CBFA2T2: variants seen among roughly 807,000 people sequenced by gnomAD.
CBFA2T2 encodes protein CBFA2T2.
CBFA2T2 carries 11 observed loss-of-function variants against 62.2 expected under a neutral mutation model. That is an observed-to-expected ratio of 0.18 (90% CI 0.11 to 0.29). The LOEUF is 0.29. Among genes scored for constraint, CBFA2T2 ranks in the 10% least tolerant of loss-of-function variants. The probability of loss-of-function intolerance (pLI) is 1.00; values close to 1 mark genes in which losing one functional copy is unlikely to be tolerated. For missense variants in CBFA2T2, 592 were observed against 774.1 expected (o/e 0.76, Z 2.79); for synonymous variants, 295 against 287.5 (o/e 1.03, Z -0.27).
At chr20:33,548,393 A>G (rs1049483035) in intron 1 of CBFA2T2, among the ~76,000 whole-genome samples, 2 of 151,464 alleles carry the variant, frequency 1.3e-5, no homozygotes, top group African/African-American at 4.9e-5. Context: ...ACAGGTGCCC[A>G]CCACCGCACC....
At chr20:33,520,440 C>T (rs2011698233) in intron 1 of CBFA2T2, among the ~76,000 whole-genome samples, 1 of 152,128 alleles carries the variant, frequency 6.6e-6, no homozygotes, top group Admixed American at 6.6e-5. Context: ...GCATCTCTAA[C>T]TTCTAACATA....
intron 3 of CBFA2T2, among the ~76,000 whole-genome samples, chr20:33,612,975 T>C (rs1416721460): frequency 6.6e-6 from 1 of 152,176 alleles, no homozygotes; most frequent in East Asian, 1.9e-4. Context: ...TGGTCCTAGA[T>C]ACTCAGTAGG....
intron 10 of CBFA2T2, among the ~76,000 whole-genome samples, chr20:33,641,219 A>T (rs923073739): frequency 7.2e-5 from 11 of 152,028 alleles, no homozygotes; most frequent in African/African-American, 2.2e-4. Context: ...TTTTTAGTAG[A>T]GACGGGGTTT....
At chr20:33,535,550 G>A (rs1220924203) in intron 1 of CBFA2T2, among the ~76,000 whole-genome samples, 1 of 151,006 alleles carries the variant, frequency 6.6e-6, no homozygotes, top group Non-Finnish European at 1.5e-5. Context: ...GTCTGCAGGA[G>A]AAGGCTTCTT....
In CBFA2T2 at chr20:33,624,795, A is replaced by G. The variant is rs140571621; in HGVS notation, c.724A>G (p.Ile242Val). The G allele has an allele frequency of 1.5e-4, 244 of 1,614,102 alleles. No individual in the cohort carries two copies. The highest frequency in any genetic ancestry group is 3.3e-4 in the Middle Eastern group (2 of 6,062). Residue 242 changes from isoleucine (I) to valine (V), a missense_variant, in exon 6 of 11, where the codon ATT becomes GTT. By Grantham distance (29) the Ile-to-Val change is conservative. This residue lies in a region of CBFA2T2 where 449 missense variants were observed against 551.2 expected (regional missense o/e 0.81). Coordinates refer to ENST00000342704, the MANE Select transcript of CBFA2T2 (RefSeq NM_001032999.3). ...REENSFDRDT[I>V]APEPPAKRVC... ...AGAGAATAGTTTTGATAGAGACACAATTGCTCCTGAGCCTCCTGCCAAGAG... is the reference window on the plus strand; with the variant it reads ...AGAGAATAGTTTTGATAGAGACACAGTTGCTCCTGAGCCTCCTGCCAAGAG...
chr20:33,596,927 T>G (rs943591587), intron 1 of CBFA2T2, among the ~76,000 whole-genome samples: 4 of 151,462 alleles, frequency 2.6e-5, no homozygotes, highest in African/African-American at 9.7e-5. Flanking sequence ...CTGTTTTTTT[T>G]TTTTTTTTTT....
intron 3 of CBFA2T2, 79 bp from the exon 4 acceptor site, chr20:33,619,438 A>AG: frequency 1.4e-6 from 1 of 715,924 alleles, no homozygotes; most frequent in Non-Finnish European, 2.2e-6. Context: ...ACATTAAAAA[A>AG]AAAAAAAAAG....
At position 33,644,899 on chromosome 20, in the gene CBFA2T2, T is replaced by G. The variant is rs2016996428; in HGVS notation, c.*253T>G. 1 of 497,232 alleles carries G rather than the reference T, an allele frequency of 2.0e-6. No individual in the cohort carries two copies. The highest frequency in any genetic ancestry group is 2.0e-5 in the African/African-American group (1 of 51,230). 30.8% of individuals were successfully genotyped at this position (497,232 alleles called of 1,614,324 possible). A position where few individuals can be genotyped will look rare whatever the true frequency, so the allele number is the denominator to read the frequency against. ...CTCCTCCATGGCTTTCCTGGTTTGT[T>G]CCTCTCTCCACTGAAGCTGACTTAG... On this transcript the variant is annotated 3_prime_UTR_variant, in exon 11 of 11. Coordinates refer to ENST00000342704, the MANE Select transcript of CBFA2T2 (RefSeq NM_001032999.3).
chr20:33,580,537 C>A (rs1240892717), intron 1 of CBFA2T2, among the ~76,000 whole-genome samples: 2 of 152,184 alleles, frequency 1.3e-5, no homozygotes, highest in Non-Finnish European at 2.9e-5. Context: ...CTTCATTACG[C>A]AGCAGCTGAT....
At chr20:33,559,631 C>T (rs567159678) in intron 1 of CBFA2T2, among the ~76,000 whole-genome samples, 4 of 152,190 alleles carry the variant, frequency 2.6e-5, no homozygotes, top group South Asian at 4.2e-4. Context: ...GGATTACAGG[C>T]GCCCACCACC....
At chr20:33,517,363 T>G (rs1437576305) in intron 1 of CBFA2T2, among the ~76,000 whole-genome samples, 1 of 152,162 alleles carries the variant, frequency 6.6e-6, no homozygotes, top group African/African-American at 2.4e-5. Flanking sequence ...TTGCCAATTT[T>G]CAGCTCATTA....
intron 1 of CBFA2T2, among the ~76,000 whole-genome samples, chr20:33,522,066 A>G (rs907336339): frequency 1.3e-5 from 2 of 152,074 alleles, no homozygotes; most frequent in Non-Finnish European, 2.9e-5. Flanking sequence ...GCAACATAGA[A>G]CAAAATAGAG....
intron 1 of CBFA2T2, among the ~76,000 whole-genome samples, chr20:33,508,627 G>A (rs904518039): frequency 1.3e-5 from 2 of 151,994 alleles, no homozygotes; most frequent in African/African-American, 4.8e-5. Context: ...CCTCTTATAT[G>A]TCTATGTGTT....
At chr20:33,627,205 G>A (rs1451263885) in intron 6 of CBFA2T2, among the ~76,000 whole-genome samples, 1 of 152,066 alleles carries the variant, frequency 6.6e-6, no homozygotes, top group African/African-American at 2.4e-5. Context: ...AGACCATCCT[G>A]GCTAACATGG....
At chr20:33,616,172 T>A (rs1017727295) in intron 3 of CBFA2T2, among the ~76,000 whole-genome samples, 1 of 152,148 alleles carries the variant, frequency 6.6e-6, no homozygotes, top group African/African-American at 2.4e-5. Context: ...TAGATATAGA[T>A]ACATACATAC....
At chr20:33,573,972 A>G in intron 1 of CBFA2T2, 3 of 366,084 alleles carry the variant, frequency 8.2e-6, no homozygotes, top group Non-Finnish European at 1.4e-5. Context: ...TTTTTTTTGT[A>G]GAGGTGGGGT....
chr20:33,628,525 G>C (rs1355928650), intron 7 of CBFA2T2, 90 bp downstream of exon 7: 1 of 884,890 alleles, frequency 1.1e-6, no homozygotes, highest in Non-Finnish European at 1.9e-6. Flanking sequence ...ATGGAGTGCA[G>C]TGGTATGATC....
At chr20:33,587,992 G>T (rs1228997201) in intron 1 of CBFA2T2, among the ~76,000 whole-genome samples, 1 of 152,204 alleles carries the variant, frequency 6.6e-6, no homozygotes, top group African/African-American at 2.4e-5. Flanking sequence ...TCCTCCCATT[G>T]AAAGGGAAGA....
intron 1 of CBFA2T2, among the ~76,000 whole-genome samples, chr20:33,564,455 C>T (rs780267065): frequency 6.6e-6 from 1 of 151,930 alleles, no homozygotes; most frequent in Non-Finnish European, 1.5e-5. Flanking sequence ...ACGGGTTTTA[C>T]CATGTTGGTC....
Sources: allele counts gnomAD v4.1 joint callset (sites outside exome capture counted in the v4.1 genomes callset), GRCh38; gene constraint gnomAD v4.1.1; regional missense constraint gnomAD v4.1.1; transcripts MANE v1.5; gene names NCBI Gene and HGNC (gene_info 2026-07-23, HGNC 2026-07-21).